The following TIAM2 variants were observed in gnomAD, a reference collection of about 807,000 sequenced individuals.
TIAM2 encodes the protein rho guanine nucleotide exchange factor TIAM2.
Under a neutral mutation model 152.9 loss-of-function variants are expected in TIAM2, and 80 were observed. The ratio of observed to expected loss-of-function variants is 0.52; its 90% CI spans 0.44 to 0.63. The LOEUF is 0.63. TIAM2 is among the 30% of genes least tolerant of loss of function. The pLI is 0.00. For synonymous variants in TIAM2, 804 were observed against 838.0 expected (o/e 0.96, Z 0.70); for missense variants, 1,965 against 2,120.1 (o/e 0.93, Z 1.44).
In TIAM2 at chr6:155,085,193, TGATAACGAG is replaced by T. The variant is rs1778148959; in HGVS notation, c.-208-5094_-208-5086del. ...TCTCTGAATTGATAAGCTGCCTAGC[TGATAACGAG>T]GCTAAAGTAAACCCAGCAACTTTAA... On this transcript the variant is annotated intron_variant, in intron 1 of 26. Coordinates refer to ENST00000682666, the MANE Select transcript of TIAM2 (RefSeq NM_012454.4). Among the ~76,000 whole-genome samples, 10 of 152,328 alleles carry T rather than the reference TGATAACGAG, an allele frequency of 6.6e-5. No individual in the cohort carries two copies. In the South Asian group the frequency reaches 2.1e-3, roughly 32 times the overall value.
At chr6:155,220,932 A>G (rs1782019818) in intron 15 of TIAM2, among the ~76,000 whole-genome samples, 1 of 151,720 alleles carries the variant, frequency 6.6e-6, no homozygotes, top group Non-Finnish European at 1.5e-5. Context: ...CACCTCCACT[A>G]CAGGCCCCGG....
chr6:155,028,400 A>T (rs1008790349), intron 1 of TIAM2, among the ~76,000 whole-genome samples: 3 of 137,624 alleles, frequency 2.2e-5, no homozygotes, highest in Non-Finnish European at 1.5e-5. Flanking sequence ...TACTACATAT[A>T]TATACTGTGT....
chr6:155,141,565 A>G (rs1165469147), intron 5 of TIAM2, among the ~76,000 whole-genome samples: 6 of 152,198 alleles, frequency 3.9e-5, no homozygotes, highest in African/African-American at 1.4e-4. Context: ...ATGTTTTTCA[A>G]GGCTTTGGAG....
chr6:155,148,941 G>A (rs1779882502), intron 7 of TIAM2, among the ~76,000 whole-genome samples: 1 of 152,200 alleles, frequency 6.6e-6, no homozygotes, highest in African/African-American at 2.4e-5. Flanking sequence ...TAAACACTTA[G>A]ACAAGTGTTA....
chr6:155,205,182 TA>T (rs61272546), intron 14 of TIAM2, among the ~76,000 whole-genome samples: 30 of 40,522 alleles, frequency 7.4e-4, no homozygotes, highest in Admixed American at 1.8e-3. Context: ...TATTAATTTC[TA>T]AAAAAAAAAA....
intron 15 of TIAM2, chr6:155,216,851 A>C: frequency 8.8e-7 from 1 of 1,137,000 alleles, no homozygotes; most frequent in Non-Finnish European, 1.1e-6. Flanking sequence ...CATGGGTGGA[A>C]ACAGAGCAGG....
At chr6:155,250,128 T>G (rs555281888) in intron 21 of TIAM2, among the ~76,000 whole-genome samples, 159 bp downstream of exon 21, 1 of 152,290 alleles carries the variant, frequency 6.6e-6, no homozygotes, top group East Asian at 1.9e-4. Flanking sequence ...AATTTACATA[T>G]AGACATATCA....
chr6:155,182,117 A>G lies in TIAM2; in HGVS notation c.2708-109A>G, dbSNP rs150393040. The G allele has an allele frequency of 1.0e-3, 881 of 853,404 alleles. 7 individuals carry two copies. In the African/African-American group the frequency reaches 0.011, roughly 10 times the overall value. The allele number at this position is 853,404 out of a possible 1,614,324, so 52.9% of individuals were successfully genotyped here. ...AATAGCTGTAATTTCGACTTTCTCA[A>G]CATACTGTACTTATGAGAAAAGATG... On this transcript the variant is annotated intron_variant, in intron 12 of 26. Transcript: ENST00000682666.
At chr6:155,199,912 T>C (rs1264473627) in intron 14 of TIAM2, among the ~76,000 whole-genome samples, 1 of 152,236 alleles carries the variant, frequency 6.6e-6, no homozygotes, top group Non-Finnish European at 1.5e-5. Flanking sequence ...ATCATTTTAC[T>C]TTCACAGCTG....
In TIAM2 at chr6:155,044,859, G is replaced by A. The variant is rs116644806; in HGVS notation, c.-208-45430G>A. On this transcript the variant is annotated intron_variant, in intron 1 of 26. Transcript: ENST00000682666. ...AAAAAATAGCTCATCTTATGTCTCC[G>A]AATATATTATCCCTCTCTATTAACT... Among the ~76,000 whole-genome samples, 1,187 of 151,666 alleles carry A rather than the reference G, an allele frequency of 7.8e-3. 17 individuals carry two copies. Among genetic ancestry groups the A allele is most frequent in the African/African-American group, 0.026 (1,080 of 41,344 alleles).
At chr6:155,193,009 T>C (rs960391872) in intron 14 of TIAM2, among the ~76,000 whole-genome samples, 1 of 152,244 alleles carries the variant, frequency 6.6e-6, no homozygotes, top group African/African-American at 2.4e-5. Flanking sequence ...ATAGATCTTT[T>C]ACTCATGCGT....
intron 1 of TIAM2, among the ~76,000 whole-genome samples, chr6:155,058,648 G>T (rs1270670475): frequency 6.6e-6 from 1 of 152,146 alleles, no homozygotes; most frequent in Non-Finnish European, 1.5e-5. Flanking sequence ...TTTCACCAGT[G>T]AGCAAAACTG....
chr6:155,012,399 G>A (rs546401026), intron 1 of TIAM2, among the ~76,000 whole-genome samples: 5 of 152,168 alleles, frequency 3.3e-5, no homozygotes, highest in African/African-American at 1.2e-4. Flanking sequence ...AAGCACATTT[G>A]CTACTTTTGT....
chr6:155,020,868 G>A (rs1017477517), intron 1 of TIAM2, among the ~76,000 whole-genome samples: 1 of 152,030 alleles, frequency 6.6e-6, no homozygotes, highest in African/African-American at 2.4e-5. Flanking sequence ...CTGAAATTCT[G>A]TACCCCGTTA....
At chr6:155,147,770 C>G (rs1262911145) in intron 6 of TIAM2, among the ~76,000 whole-genome samples, 1 of 152,216 alleles carries the variant, frequency 6.6e-6, no homozygotes, top group Non-Finnish European at 1.5e-5. Flanking sequence ...CAGGCGTGAG[C>G]CACCGTGCCT....
chr6:155,108,528 C>T (rs1778752815), intron 2 of TIAM2, among the ~76,000 whole-genome samples: 2 of 152,188 alleles, frequency 1.3e-5, no homozygotes, highest in African/African-American at 4.8e-5. Context: ...CAAATTCATA[C>T]TGACCAGACC....
intron 1 of TIAM2, among the ~76,000 whole-genome samples, chr6:155,027,105 G>C: frequency 6.6e-6 from 1 of 151,572 alleles, no homozygotes; most frequent in East Asian, 1.9e-4. Context: ...GAGTGATCTT[G>C]GCTCACTACA....
chr6:155,028,117 G>A (rs1776655458), intron 1 of TIAM2, among the ~76,000 whole-genome samples: 1 of 99,028 alleles, frequency 1.0e-5, no homozygotes, highest in South Asian at 3.2e-4. Context: ...TATGTACTGT[G>A]TTACATATAT....
chr6:155,141,340 T>G (rs1233811182), intron 5 of TIAM2, among the ~76,000 whole-genome samples: 2 of 152,168 alleles, frequency 1.3e-5, no homozygotes, highest in Non-Finnish European at 2.9e-5. Flanking sequence ...ATCCAAGTTG[T>G]AATGTTTGGA....
Sources: allele counts gnomAD v4.1 joint callset (sites outside exome capture counted in the v4.1 genomes callset), GRCh38; gene constraint gnomAD v4.1.1; transcripts MANE v1.5; gene names NCBI Gene and HGNC (gene_info 2026-07-23, HGNC 2026-07-21).